The following OC90 variants were observed in gnomAD, a reference collection of about 807,000 sequenced individuals.
OC90 encodes otoconin 90.
In OC90, 46 loss-of-function variants were observed where a neutral mutation model predicts 47.3. The observed-to-expected ratio is 0.97, with a 90% CI of 0.77 to 1.24. The LOEUF is 1.24. Ranked by LOEUF, OC90 falls within the 50% of genes most tolerant of loss-of-function variation. OC90 has a pLI of 0.00. For synonymous variants in OC90, 271 were observed against 219.5 expected, an observed-to-expected ratio of 1.23 and a Z score of -2.07; for missense variants, 688 against 583.9, an observed-to-expected ratio of 1.18 and a Z score of -1.84.
intron 12 of OC90, among the ~76,000 whole-genome samples, chr8:132,029,531 G>A (rs1387700756): frequency 6.6e-6 from 1 of 152,090 alleles, no homozygotes; most frequent in Non-Finnish European, 1.5e-5. Flanking sequence ...TAAGGAAGGG[G>A]TACCCTTTTA....
intron 3 of OC90, among the ~76,000 whole-genome samples, chr8:132,044,695 G>T (rs992216110): frequency 6.6e-6 from 1 of 152,136 alleles, no homozygotes; most frequent in Non-Finnish European, 1.5e-5. Flanking sequence ...GGGTAGCATT[G>T]CACAATGGTA....
intron 9 of OC90, chr8:132,036,475 A>G: frequency 1.3e-6 from 1 of 777,820 alleles, no homozygotes. Flanking sequence ...CCAAAGCCAA[A>G]CAGGGGAAAC....
chr8:132,051,747 T>C (rs1823214110), intron 2 of OC90, among the ~76,000 whole-genome samples: 2 of 152,008 alleles, frequency 1.3e-5, no homozygotes. Flanking sequence ...GATGGGCAGA[T>C]AATGTAAACA....
At chr8:132,057,942 CA>C (rs1266256449) in intron 1 of OC90, among the ~76,000 whole-genome samples, 1 of 152,214 alleles carries the variant, frequency 6.6e-6, no homozygotes, top group Non-Finnish European at 1.5e-5. Flanking sequence ...GTTCTGGCTC[CA>C]ATACCCTAAA....
rs377206825 is a variant in OC90, at chr8:132,033,117, G to C, written c.781C>G (p.Leu261Val). The change falls in exon 11 of 14, where the codon CTT becomes GTT. Residue 261 changes from leucine (L) to valine (V), a missense_variant. Transcript: ENST00000254627. ...ATRVTAKIVT[L>V]VPAGIKSLGL... is the part of the protein sequence containing the mutation. ...AGAGATTTAATGCCAGCAGGGACAAGGGTTACAATTTTAGCTGTAACCCTT... is the reference window on the plus strand; with the variant it reads ...AGAGATTTAATGCCAGCAGGGACAACGGTTACAATTTTAGCTGTAACCCTT... The C allele has an allele frequency of 1.2e-6, 2 of 1,608,378 alleles. No homozygotes were observed. Among genetic ancestry groups the C allele is most frequent in the Non-Finnish European group, 1.7e-6 (2 of 1,177,436 alleles).
At chr8:132,048,415 G>A (rs528913594) in intron 2 of OC90, among the ~76,000 whole-genome samples, 1,540 of 149,986 alleles carry the variant, frequency 0.01, 67 homozygotes, top group African/African-American at 0.037. Context: ...GATGGTTGGA[G>A]TATGGAGACT....
chr8:132,054,902 G>A (rs1823261757), intron 2 of OC90, 79 bp downstream of exon 2: 2 of 888,740 alleles, frequency 2.3e-6, no homozygotes, highest in Non-Finnish European at 3.4e-6. Flanking sequence ...TGGTGGGGGT[G>A]GGCCTGTTGA....
At chr8:132,041,469 C>A (rs878895093) in intron 5 of OC90, 56 bp downstream of exon 5, 2 of 1,507,360 alleles carry the variant, frequency 1.3e-6, no homozygotes, top group Admixed American at 3.9e-5. Context: ...AGGTATCAGC[C>A]AGGCCTCCCA....
chr8:132,029,586 C>T (rs546868046), intron 12 of OC90, among the ~76,000 whole-genome samples: 4 of 152,226 alleles, frequency 2.6e-5, no homozygotes, highest in Admixed American at 6.5e-5. Flanking sequence ...AGCTTACTCC[C>T]TCCAATCTTT....
At chr8:132,034,931 A>G in intron 9 of OC90, 97 bp from the exon 10 acceptor site, 1 of 828,400 alleles carries the variant, frequency 1.2e-6, no homozygotes, top group South Asian at 1.5e-5. Flanking sequence ...ACAGGCAGCC[A>G]TGTGCTCTTC....
At chr8:132,053,890 A>G (rs1291185821) in intron 2 of OC90, among the ~76,000 whole-genome samples, 1 of 152,192 alleles carries the variant, frequency 6.6e-6, no homozygotes, top group Non-Finnish European at 1.5e-5. Context: ...CACAGCAGTC[A>G]CCCTGGCTGT....
At chr8:132,043,907 C>T (rs1209368463) in intron 4 of OC90, among the ~76,000 whole-genome samples, 5 of 152,204 alleles carry the variant, frequency 3.3e-5, no homozygotes, top group African/African-American at 1.2e-4. Context: ...ATATTATAGT[C>T]TCTTTTTTTG....
intron 9 of OC90, among the ~76,000 whole-genome samples, chr8:132,037,003 T>C (rs1355387426): frequency 6.6e-6 from 1 of 152,236 alleles, no homozygotes; most frequent in East Asian, 1.9e-4. Flanking sequence ...AGGATAGGTG[T>C]AATCATCCCC....
intron 6 of OC90, among the ~76,000 whole-genome samples, chr8:132,039,461 C>T (rs1823022563): frequency 6.6e-6 from 1 of 152,130 alleles, no homozygotes; most frequent in African/African-American, 2.4e-5. Context: ...AACTATGCCC[C>T]CAGCTTCTAC....
chr8:132,057,993 T>G (rs1823297676), intron 1 of OC90, among the ~76,000 whole-genome samples: 1 of 152,232 alleles, frequency 6.6e-6, no homozygotes, highest in Non-Finnish European at 1.5e-5. Flanking sequence ...AGCATTCCAG[T>G]GATGACTCAC....
At chr8:132,053,076 G>A (rs557944745) in intron 2 of OC90, among the ~76,000 whole-genome samples, 1 of 152,172 alleles carries the variant, frequency 6.6e-6, no homozygotes, top group East Asian at 1.9e-4. Context: ...TGGGGCCTGG[G>A]ATGCCTTCCC....
chr8:132,030,870 C>T (rs1434925705), intron 12 of OC90, among the ~76,000 whole-genome samples: 1 of 152,222 alleles, frequency 6.6e-6, no homozygotes, highest in East Asian at 1.9e-4. Flanking sequence ...CACATCAAAC[C>T]TGCAGCTGAC....
At chr8:132,027,537 T>A (rs115139206) in intron 13 of OC90, among the ~76,000 whole-genome samples, 1,804 of 152,342 alleles carry the variant, frequency 0.012, 41 homozygotes, top group African/African-American at 0.042. Context: ...TCTGTGAAAT[T>A]CTAGGGCAAG....
chr8:132,059,044 C>T (rs1206132336), intron 1 of OC90, among the ~76,000 whole-genome samples: 1 of 151,328 alleles, frequency 6.6e-6, no homozygotes, highest in African/African-American at 2.4e-5. Flanking sequence ...CTCCCTCTTT[C>T]CCTCTCTCCC....
Sources: gnomAD v4.1 joint callset for allele counts (sites outside exome capture counted in the v4.1 genomes callset) on GRCh38, gnomAD v4.1.1 for gene constraint, MANE v1.5 for transcripts, NCBI Gene and HGNC (gene_info 2026-07-23, HGNC 2026-07-21) for gene names.